NAALADL2: variants seen among roughly 807,000 people sequenced by gnomAD.
NAALADL2 encodes the protein N-acetylated alpha-linked acidic dipeptidase like 2, also known as inactive N-acetylated-alpha-linked acidic dipeptidase-like protein 2.
Under a neutral mutation model 87.2 loss-of-function variants are expected in NAALADL2, and 76 were observed. That is an observed-to-expected ratio of 0.87 (90% confidence interval 0.72 to 1.05). NAALADL2 has a LOEUF of 1.05. NAALADL2 is among the 50% of genes least tolerant of loss of function. NAALADL2 has a pLI of 0.00. For missense variants in NAALADL2, 1,089 were observed against 945.8 expected (o/e 1.15, Z -1.99); for synonymous variants, 354 against 331.0 (o/e 1.07, Z -0.75).
chr3:175,254,515 A>G (rs1316921587), intron 3 of NAALADL2, among the ~76,000 whole-genome samples: 1 of 152,168 alleles, frequency 6.6e-6, no homozygotes, highest in African/African-American at 2.4e-5. Context: ...GTATGCCTGT[A>G]TACACAATCT....
intron 1 of NAALADL2, among the ~76,000 whole-genome samples, chr3:174,496,967 A>C (rs929727058): frequency 6.6e-6 from 1 of 152,188 alleles, no homozygotes; most frequent in African/African-American, 2.4e-5. Context: ...TCCTAACCCC[A>C]TAATTTACTT....
intron 9 of NAALADL2, among the ~76,000 whole-genome samples, chr3:175,533,404 C>T (rs1163964704): frequency 2.6e-5 from 4 of 152,144 alleles, no homozygotes; most frequent in African/African-American, 9.7e-5. Flanking sequence ...GGAGAATCAA[C>T]ATTATCTTGC....
At chr3:174,666,701 A>G (rs475989) in intron 2 of NAALADL2, among the ~76,000 whole-genome samples, 126,341 of 152,142 alleles carry the variant, frequency 0.83, 52,928 homozygotes, top group African/African-American at 0.94. Context: ...GGTAAAATAT[A>G]CATAACATAA....
At chr3:175,461,548 T>G (rs917510490) in intron 6 of NAALADL2, among the ~76,000 whole-genome samples, 1 of 152,224 alleles carries the variant, frequency 6.6e-6, no homozygotes, top group Admixed American at 6.5e-5. Context: ...AGTAAGAATG[T>G]GATCCAGTAA....
At chr3:174,552,771 G>T (rs1712279543) in intron 2 of NAALADL2, among the ~76,000 whole-genome samples, 1 of 137,534 alleles carries the variant, frequency 7.3e-6, no homozygotes, top group African/African-American at 2.8e-5. Flanking sequence ...GCTCCAGCAT[G>T]GGCAGCAGAG....
At chr3:174,482,749 G>T (rs907092631) in intron 1 of NAALADL2, among the ~76,000 whole-genome samples, 1 of 151,894 alleles carries the variant, frequency 6.6e-6, no homozygotes, top group Non-Finnish European at 1.5e-5. Context: ...GGATATATTT[G>T]AATTGATTAT....
At chr3:175,122,791 C>G (rs1726346154) in intron 2 of NAALADL2, among the ~76,000 whole-genome samples, 1 of 151,812 alleles carries the variant, frequency 6.6e-6, no homozygotes, top group South Asian at 2.1e-4. Flanking sequence ...GCAGCCATAA[C>G]AGAATGCCAC....
chr3:175,603,170 T>C (rs1460335053), intron 10 of NAALADL2, among the ~76,000 whole-genome samples: 1 of 152,214 alleles, frequency 6.6e-6, no homozygotes, highest in Non-Finnish European at 1.5e-5. Flanking sequence ...TAATGTCCTT[T>C]ATAGCGTTTA....
chr3:175,188,938 A>G (rs569167702), intron 2 of NAALADL2, among the ~76,000 whole-genome samples: 4 of 151,800 alleles, frequency 2.6e-5, no homozygotes, highest in Non-Finnish European at 5.9e-5. Context: ...TCAATGCTGC[A>G]CCCTTCCTCC....
chr3:175,406,706 C>T (rs937444729), intron 5 of NAALADL2, among the ~76,000 whole-genome samples: 3 of 152,118 alleles, frequency 2.0e-5, no homozygotes, highest in Non-Finnish European at 2.9e-5. Context: ...ACCATCAAAC[C>T]TTTCCTTGTG....
chr3:175,344,731 A>T (rs1373490145), intron 5 of NAALADL2, among the ~76,000 whole-genome samples: 1 of 152,108 alleles, frequency 6.6e-6, no homozygotes, highest in Non-Finnish European at 1.5e-5. Flanking sequence ...CTGGTAACAA[A>T]CTAGATTTGT....
At chr3:174,660,863 T>C (rs1312242907) in intron 2 of NAALADL2, among the ~76,000 whole-genome samples, 1 of 152,160 alleles carries the variant, frequency 6.6e-6, no homozygotes, top group Admixed American at 6.5e-5. Context: ...TTTATAAATA[T>C]AATTAGTTTG....
At chr3:175,243,875 G>A (rs1487721555) in intron 3 of NAALADL2, among the ~76,000 whole-genome samples, 1 of 152,096 alleles carries the variant, frequency 6.6e-6, no homozygotes, top group Admixed American at 6.6e-5. Context: ...AATCAAGAGG[G>A]AAGGTAATTT....
At chr3:175,477,616 G>T (rs903298881) in intron 9 of NAALADL2, among the ~76,000 whole-genome samples, 3 of 151,934 alleles carry the variant, frequency 2.0e-5, no homozygotes, top group Admixed American at 6.6e-5. Context: ...TTATGTGTTT[G>T]TTATTCCAAC....
At chr3:175,469,007 T>C (rs1015630694) in intron 8 of NAALADL2, among the ~76,000 whole-genome samples, 1 of 152,002 alleles carries the variant, frequency 6.6e-6, no homozygotes, top group African/African-American at 2.4e-5. Flanking sequence ...AGGAAAAAAA[T>C]TTTGTTAATA....
intron 3 of NAALADL2, among the ~76,000 whole-genome samples, chr3:174,822,320 T>A (rs1936484975): frequency 1.3e-5 from 2 of 152,190 alleles, no homozygotes; most frequent in South Asian, 4.1e-4. Flanking sequence ...CTCAGATATT[T>A]TTATGATGTA....
At chr3:175,510,002 T>TC (rs1425697303) in intron 9 of NAALADL2, among the ~76,000 whole-genome samples, 18 of 108,200 alleles carry the variant, frequency 1.7e-4, no homozygotes, top group Non-Finnish European at 2.8e-4. Context: ...CCCTCCCACC[T>TC]CCCCCCACCC....
intron 10 of NAALADL2, among the ~76,000 whole-genome samples, chr3:175,611,907 G>A (rs1724704156): frequency 6.6e-6 from 1 of 152,114 alleles, no homozygotes; most frequent in African/African-American, 2.4e-5. Context: ...TTTTGCTTTA[G>A]TGAATTGCAG....
At chr3:175,774,571 GAAA>G (rs929994471) in intron 13 of NAALADL2, among the ~76,000 whole-genome samples, 1 of 148,554 alleles carries the variant, frequency 6.7e-6, no homozygotes, top group Non-Finnish European at 1.5e-5. Context: ...TTTGTTTGCA[GAAA>G]AAAAAAATAA....
Sources: gnomAD v4.1 joint callset for allele counts (sites outside exome capture counted in the v4.1 genomes callset) on GRCh38, gnomAD v4.1.1 for gene constraint, MANE v1.5 for transcripts, NCBI Gene and HGNC (gene_info 2026-07-23, HGNC 2026-07-21) for gene names.